Variants in EPHA6 observed in about 807,000 individuals in gnomAD.
EPHA6 encodes EPH receptor A6.
Under a neutral mutation model 112.0 loss-of-function variants are expected in EPHA6, and 50 were observed. The ratio of observed to expected loss-of-function variants is 0.45; its 90% CI spans 0.36 to 0.56. The LOEUF is 0.56. Ranked by LOEUF, EPHA6 falls within the 20% of genes least tolerant of loss-of-function variation. The pLI is 0.00. For synonymous variants in EPHA6, 529 were observed against 490.7 expected (o/e 1.08, Z -1.03); for missense variants, 1,280 against 1,417.4 (o/e 0.90, Z 1.56).
At chr3:97,340,593 A>G (rs530707116) in intron 5 of EPHA6, among the ~76,000 whole-genome samples, 35 of 152,310 alleles carry the variant, frequency 2.3e-4, no homozygotes, top group Admixed American at 1.0e-3. Context: ...AGGCTACCAT[A>G]ACAAAATACT....
chr3:96,903,033 CAAAT>C (rs2038704515), intron 2 of EPHA6, among the ~76,000 whole-genome samples: 2 of 152,018 alleles, frequency 1.3e-5, no homozygotes, highest in African/African-American at 4.8e-5. Context: ...CAAGAAGAAA[CAAAT>C]AAATAAAATA....
chr3:96,872,770 CT>C (rs201204924), intron 2 of EPHA6, among the ~76,000 whole-genome samples: 7 of 150,764 alleles, frequency 4.6e-5, no homozygotes, highest in Admixed American at 1.3e-4. Flanking sequence ...TTTATATTTG[CT>C]TTTTTTTTAA....
chr3:97,042,040 AG>A (rs1211856064), intron 3 of EPHA6, among the ~76,000 whole-genome samples: 2 of 152,122 alleles, frequency 1.3e-5, no homozygotes, highest in African/African-American at 4.8e-5. Flanking sequence ...ATAGTTGTCC[AG>A]GGTATAATAT....
chr3:97,516,195 A>T (rs2092446437), intron 10 of EPHA6, among the ~76,000 whole-genome samples: 1 of 152,220 alleles, frequency 6.6e-6, no homozygotes. Context: ...ACTAACAATG[A>T]TACTAAAGCA....
At chr3:97,363,670 T>C (rs1419063161) in intron 5 of EPHA6, among the ~76,000 whole-genome samples, 1 of 151,976 alleles carries the variant, frequency 6.6e-6, no homozygotes, top group Middle Eastern at 3.2e-3. Flanking sequence ...CCCAAAATAA[T>C]TGAAAGCAGG....
intron 5 of EPHA6, among the ~76,000 whole-genome samples, chr3:97,314,321 G>A (rs1019920805): frequency 8.6e-5 from 13 of 151,392 alleles, no homozygotes; most frequent in African/African-American, 3.1e-4. Flanking sequence ...TGTTCTTTTT[G>A]CTTAGGATTG....
Position 97,051,387 on chromosome 3 carries a change from C to T in EPHA6, c.1114+63394C>T, listed in dbSNP as rs1437972681. ...GAATTTGTGGTGCTTAAGACTTGAC[C>T]CCTGCTGTCTAGGAAATGGCTGTTT... On this transcript the variant is annotated intron_variant, in intron 3 of 17. Coordinates refer to ENST00000389672, the MANE Select transcript of EPHA6 (RefSeq NM_001080448.3). Among the ~76,000 whole-genome samples the T allele has an allele frequency of 2.0e-5, 3 of 151,942 alleles. No homozygotes were observed. The East Asian group carries it at 5.8e-4, about 29-fold the overall frequency.
At chr3:97,066,687 G>C (rs1302575447) in intron 3 of EPHA6, among the ~76,000 whole-genome samples, 1 of 152,144 alleles carries the variant, frequency 6.6e-6, no homozygotes, top group Non-Finnish European at 1.5e-5. Context: ...TCTCAGCACA[G>C]TAAACAGTCG....
At chr3:97,465,659 G>A (rs1399542689) in intron 7 of EPHA6, among the ~76,000 whole-genome samples, 1 of 151,966 alleles carries the variant, frequency 6.6e-6, no homozygotes, top group Non-Finnish European at 1.5e-5. Context: ...ATGAGTTTTG[G>A]CATAAAGCAA....
At chr3:97,254,255 C>G (rs1460070239) in intron 5 of EPHA6, among the ~76,000 whole-genome samples, 4 of 152,126 alleles carry the variant, frequency 2.6e-5, no homozygotes, top group African/African-American at 9.7e-5. Flanking sequence ...GTGGCGCGAT[C>G]TCGGCTCACT....
At chr3:97,098,415 T>A (rs2047308272) in intron 3 of EPHA6, among the ~76,000 whole-genome samples, 2 of 151,894 alleles carry the variant, frequency 1.3e-5, no homozygotes, top group Non-Finnish European at 2.9e-5. Context: ...CTCTGCTTGC[T>A]TTTTTATGTA....
At chr3:96,821,738 A>G (rs1432245034) in intron 1 of EPHA6, among the ~76,000 whole-genome samples, 1 of 151,858 alleles carries the variant, frequency 6.6e-6, no homozygotes, top group Non-Finnish European at 1.5e-5. Context: ...CCCAATAAAG[A>G]AGATTTATGT....
At position 97,479,341 on chromosome 3, in the gene EPHA6, G is replaced by T; in HGVS notation, c.2051G>T (p.Arg684Ile). The T allele has an allele frequency of 6.2e-7, 1 of 1,605,784 alleles. No homozygotes were observed. The highest frequency in any genetic ancestry group is 8.5e-7 in the Non-Finnish European group (1 of 1,177,156). ...AAGATGAAGTCAGAAGAGAAGAGAAGAAACCACTTACAGAATGGGCATTGT... is the reference window on the plus strand; with the variant it reads ...AAGATGAAGTCAGAAGAGAAGAGAATAAACCACTTACAGAATGGGCATTGT... ...KAKMKSEEKR[R>I]NHLQNGHLRF... Residue 684 changes from arginine to isoleucine, a missense_variant, in exon 9 of 18, where the codon AGA becomes ATA. By Grantham distance (97) the Arg-to-Ile change is moderately conservative (BLOSUM62 -3). This residue lies in a region of EPHA6 where 878 missense variants were observed against 999.7 expected (regional missense o/e 0.88). Coordinates refer to ENST00000389672, the MANE Select transcript of EPHA6 (RefSeq NM_001080448.3).
chr3:97,546,621 T>G (rs1225989299), intron 11 of EPHA6, among the ~76,000 whole-genome samples: 35 of 152,296 alleles, frequency 2.3e-4, no homozygotes, highest in South Asian at 1.5e-3. Context: ...TGCCTTGCTA[T>G]ATTTGGGAAG....
chr3:97,750,048 G>C lies in EPHA6; in HGVS notation c.*1347G>C, dbSNP rs1287284998. Among the ~76,000 whole-genome samples the C allele has an allele frequency of 6.6e-6, 1 of 152,024 alleles. No individual in the cohort carries two copies. The highest frequency in any genetic ancestry group is 2.4e-5 in the African/African-American group (1 of 41,392). ...ATTTTAAGTGATTTAAGCTGAGTTGGCTTATCAAAATTGTGCTATATCTTA... is the reference window on the plus strand; with the variant it reads ...ATTTTAAGTGATTTAAGCTGAGTTGCCTTATCAAAATTGTGCTATATCTTA... On this transcript the variant is annotated 3_prime_UTR_variant, in exon 18 of 18. Coordinates refer to ENST00000389672, the MANE Select transcript of EPHA6 (RefSeq NM_001080448.3).
intron 11 of EPHA6, among the ~76,000 whole-genome samples, chr3:97,571,314 AT>A (rs915241346): frequency 6.6e-6 from 1 of 152,086 alleles, no homozygotes; most frequent in African/African-American, 2.4e-5. Context: ...CAGAGGTGGC[AT>A]GGTAGAAAAA....
intron 3 of EPHA6, among the ~76,000 whole-genome samples, chr3:97,206,865 T>G (rs1172332376): frequency 1.3e-5 from 2 of 152,132 alleles, no homozygotes; most frequent in Non-Finnish European, 2.9e-5. Flanking sequence ...TACTTGATAA[T>G]GCAGTATTAG....
At chr3:97,020,917 T>G (rs2044436016) in intron 3 of EPHA6, among the ~76,000 whole-genome samples, 1 of 151,918 alleles carries the variant, frequency 6.6e-6, no homozygotes, top group Non-Finnish European at 1.5e-5. Flanking sequence ...TTTGATTTTT[T>G]TTTTAAAAAG....
intron 5 of EPHA6, among the ~76,000 whole-genome samples, chr3:97,360,898 C>T (rs1457151169): frequency 6.6e-6 from 1 of 152,180 alleles, no homozygotes; most frequent in Non-Finnish European, 1.5e-5. Context: ...TACTCAGCTA[C>T]TGTCGACCCT....
Sources: allele counts gnomAD v4.1 joint callset (sites outside exome capture counted in the v4.1 genomes callset), GRCh38; gene constraint gnomAD v4.1.1; regional missense constraint gnomAD v4.1.1; transcripts MANE v1.5; gene names NCBI Gene and HGNC (gene_info 2026-07-23, HGNC 2026-07-21).